The following WDPCP variants were observed in gnomAD, a reference collection of about 807,000 sequenced individuals.
The protein encoded by WDPCP is WD repeat containing planar cell polarity effector, also known as WD repeat-containing and planar cell polarity effector protein fritz homolog.
Under a neutral mutation model 93.1 loss-of-function variants are expected in WDPCP, and 71 were observed. That is an observed-to-expected ratio of 0.76 (90% CI 0.63 to 0.93). The LOEUF (loss-of-function observed/expected upper bound fraction) is 0.93, where lower values mean the gene tolerates loss of function less well. Ranked by LOEUF, WDPCP falls within the 40% of genes least tolerant of loss-of-function variation. The pLI, the probability that WDPCP is intolerant of heterozygous loss-of-function variation, is 0.00. For missense variants in WDPCP, 844 were observed against 887.4 expected (o/e 0.95, Z 0.62); for synonymous variants, 315 against 315.0 (o/e 1.00, Z 0.00).
intron 6 of WDPCP, chr2:63,442,695 A>G (rs1489105791): frequency 6.6e-6 from 1 of 152,158 alleles, no homozygotes; most frequent in Non-Finnish European, 1.5e-5. Flanking sequence ...TTATCTCCAA[A>G]ATATTTGCAA....
intron 9 of WDPCP, among the ~76,000 whole-genome samples, chr2:63,408,708 T>C (rs1387971524): frequency 6.6e-6 from 1 of 152,142 alleles, no homozygotes; most frequent in Non-Finnish European, 1.5e-5. Context: ...GACTGTTGTG[T>C]GAGGCAGTGA....
At chr2:63,707,508 T>C (rs981664010) in intron 2 of WDPCP, among the ~76,000 whole-genome samples, 16 of 152,228 alleles carry the variant, frequency 1.1e-4, no homozygotes, top group African/African-American at 3.4e-4. Flanking sequence ...CTGCATTGGT[T>C]ATTCTAGTTA....
chr2:63,651,340 G>C (rs1710107083), intron 2 of WDPCP, among the ~76,000 whole-genome samples: 1 of 152,126 alleles, frequency 6.6e-6, no homozygotes, highest in African/African-American at 2.4e-5. Context: ...GTAGTGTACA[G>C]TTAAGTGCTA....
At chr2:63,275,021 G>A (rs1398933394) in intron 13 of WDPCP, among the ~76,000 whole-genome samples, 3 of 151,838 alleles carry the variant, frequency 2.0e-5, no homozygotes, top group Non-Finnish European at 2.9e-5. Flanking sequence ...AAAAACCTAC[G>A]GGCCAATATA....
chr2:63,207,713 A>C lies in WDPCP; in HGVS notation c.1916-32881T>G, dbSNP rs116824123. Reference sequence around the variant, plus strand: ...TTAGAATATGTCTTGATGTCGACCAACTTGGGCTGGTGTTTCCAGGTCATG... The same window carrying C: ...TTAGAATATGTCTTGATGTCGACCACCTTGGGCTGGTGTTTCCAGGTCATG... On this transcript the variant is annotated intron_variant, in intron 14 of 17. Transcript: ENST00000272321. Among the ~76,000 whole-genome samples the C allele has an allele frequency of 4.8e-3, 728 of 152,270 alleles. 5 individuals carry two copies. The highest frequency in any genetic ancestry group is 0.01 in the Middle Eastern group (3 of 294).
chr2:63,687,582 G>C (rs1159565024), intron 2 of WDPCP, among the ~76,000 whole-genome samples: 1 of 152,116 alleles, frequency 6.6e-6, no homozygotes, highest in Non-Finnish European at 1.5e-5. Context: ...CATATGAAAA[G>C]GTGCTCAATA....
At chr2:63,213,127 T>C (rs1676980768) in intron 14 of WDPCP, among the ~76,000 whole-genome samples, 1 of 152,210 alleles carries the variant, frequency 6.6e-6, no homozygotes, top group Admixed American at 6.5e-5. Flanking sequence ...GTGGACCTAA[T>C]AGACAGCTAC....
intron 1 of WDPCP, among the ~76,000 whole-genome samples, chr2:63,528,135 G>A (rs541101543): frequency 6.6e-6 from 1 of 152,258 alleles, no homozygotes; most frequent in African/African-American, 2.4e-5. Flanking sequence ...CAGATGAGTA[G>A]ATTGGAAAAA....
Position 63,670,895 on chromosome 2 carries a change from G to GA in WDPCP, n.309-20058dup, listed in dbSNP as rs1558880313. Among the ~76,000 whole-genome samples, 4 of 152,216 alleles carry GA rather than the reference G, an allele frequency of 2.6e-5. No homozygotes were observed. The South Asian group carries it at 8.3e-4, about 32-fold the overall frequency. On this transcript the variant is annotated intron_variant and non_coding_transcript_variant, in intron 2 of 4. Transcript: ENST00000467687. The stretch of plus-strand genomic sequence containing the variant: ...AATGAAAGAGAGGAAAAAAAAGTAG[G>GA]AAAAAATTAGGGAAAAGGGAAGGCT...
At chr2:63,829,974 A>G (rs1415475463), upstream of WDPCP, among the ~76,000 whole-genome samples, 1 of 151,990 alleles carries the variant, frequency 6.6e-6, no homozygotes, top group Non-Finnish European at 1.5e-5. Context: ...TTCTTTTCTT[A>G]TTATGTCCAC....
intron 2 of WDPCP, among the ~76,000 whole-genome samples, chr2:63,666,714 T>G (rs1710287287): frequency 6.6e-6 from 1 of 152,122 alleles, no homozygotes. Flanking sequence ...CACTTCCTTC[T>G]CTTTCTACCC....
chr2:63,796,226 TAAG>T (rs2104018669), intron 2 of WDPCP, among the ~76,000 whole-genome samples: 1 of 152,300 alleles, frequency 6.6e-6, no homozygotes, highest in South Asian at 2.1e-4. Context: ...GCTGACATGC[TAAG>T]AAGAGGAAAA....
chr2:63,678,637 G>A (rs1269336742), intron 2 of WDPCP, among the ~76,000 whole-genome samples: 1 of 152,208 alleles, frequency 6.6e-6, no homozygotes, highest in African/African-American at 2.4e-5. Flanking sequence ...CTAGGTTCCT[G>A]TGTGATTTAG....
chr2:63,335,321 T>C (rs757412524), intron 12 of WDPCP, among the ~76,000 whole-genome samples: 1 of 152,194 alleles, frequency 6.6e-6, no homozygotes, highest in Non-Finnish European at 1.5e-5. Context: ...GGCATGTCCT[T>C]ACCTGTGGCA....
At chr2:63,432,237 G>A (rs1696813926) in intron 9 of WDPCP, among the ~76,000 whole-genome samples, 1 of 152,106 alleles carries the variant, frequency 6.6e-6, no homozygotes, top group Non-Finnish European at 1.5e-5. Flanking sequence ...GTAAAATTGT[G>A]TGCCAAGCTC....
rs1670125961 is a variant in WDPCP at position 63,765,588 on chromosome 2, CT to C, written n.308+48033del. On this transcript the variant is annotated intron_variant and non_coding_transcript_variant, in intron 2 of 4. Coordinates refer to the WDPCP transcript ENST00000467687. ...ACCCCTCTAGCTAGATGTACTAGGCCTTTTGTGTGGCCAGGTCACATGCCTC... is the reference window on the plus strand; with the variant it reads ...ACCCCTCTAGCTAGATGTACTAGGCCTTTGTGTGGCCAGGTCACATGCCTC... Among the ~76,000 whole-genome samples, 3 of 152,152 alleles carry C rather than the reference CT, an allele frequency of 2.0e-5. No homozygotes were observed. The South Asian group carries it at 6.2e-4, about 31-fold the overall frequency.
chr2:63,178,881 C>G (rs1293457509), intron 14 of WDPCP, among the ~76,000 whole-genome samples: 1 of 152,076 alleles, frequency 6.6e-6, no homozygotes, highest in Non-Finnish European at 1.5e-5. Context: ...CTGCGTCTCA[C>G]AAGTTTGGGC....
At chr2:63,563,589 G>C (rs367737478) in intron 1 of WDPCP, among the ~76,000 whole-genome samples, 1 of 151,988 alleles carries the variant, frequency 6.6e-6, no homozygotes, top group African/African-American at 2.4e-5. Context: ...ATATAGGCCT[G>C]CTTTTTGGGT....
intron 14 of WDPCP, among the ~76,000 whole-genome samples, chr2:63,185,476 C>A (rs1252798748): frequency 6.6e-6 from 1 of 151,400 alleles, no homozygotes; most frequent in Non-Finnish European, 1.5e-5. Flanking sequence ...CTTCCGGGTG[C>A]ATTCAGTGGC....
Sources: allele counts gnomAD v4.1 joint callset (sites outside exome capture counted in the v4.1 genomes callset), GRCh38; gene constraint gnomAD v4.1.1; transcripts MANE v1.5; gene names NCBI Gene and HGNC (gene_info 2026-07-23, HGNC 2026-07-21).